Variants in FHIT observed in about 807,000 individuals in gnomAD.
FHIT encodes the protein fragile histidine triad diadenosine triphosphatase.
Under a neutral mutation model 17.9 loss-of-function variants are expected in FHIT, and 19 were observed. That is an observed-to-expected ratio of 1.06 (90% CI 0.74 to 1.56). FHIT has a LOEUF of 1.56. Ranked by LOEUF, FHIT falls within the 40% of genes most tolerant of loss-of-function variation. The probability of loss-of-function intolerance (pLI) is 0.00; values close to 1 mark genes in which losing one functional copy is unlikely to be tolerated. For missense variants in FHIT, 248 were observed against 189.2 expected (o/e 1.31, Z -1.82); for synonymous variants, 81 against 69.7 (o/e 1.16, Z -0.81).
intron 4 of FHIT, among the ~76,000 whole-genome samples, chr3:60,603,012 T>C (rs1294792631): frequency 6.6e-6 from 1 of 152,194 alleles, no homozygotes; most frequent in Non-Finnish European, 1.5e-5. Flanking sequence ...CAGTTTATGG[T>C]ATTTTGCTAC....
intron 4 of FHIT, among the ~76,000 whole-genome samples, chr3:60,739,262 C>T (rs1452569256): frequency 6.6e-6 from 1 of 152,186 alleles, no homozygotes; most frequent in African/African-American, 2.4e-5. Context: ...TCACACTGGC[C>T]CTCTGCCCTT....
At chr3:59,908,853 T>TTTTTTTTTTTTTTTTTTTTTTTGAGACGG (rs1271629999) in intron 8 of FHIT, among the ~76,000 whole-genome samples, 26 of 150,704 alleles carry the variant, frequency 1.7e-4, no homozygotes, top group African/African-American at 4.1e-4. Context: ...CATTTTTTAA[T>TTTTTTTTTTTTTTTTTTTTTTTGAGACGG]AGTCCAACTG....
chr3:59,784,408 C>T (rs1402466987), intron 8 of FHIT, among the ~76,000 whole-genome samples: 1 of 152,216 alleles, frequency 6.6e-6, no homozygotes, highest in African/African-American at 2.4e-5. Context: ...TGCTAGCTTC[C>T]CTGGCTTTCC....
chr3:60,491,671 C>T (rs938209496), intron 5 of FHIT, among the ~76,000 whole-genome samples: 3 of 152,094 alleles, frequency 2.0e-5, no homozygotes, highest in South Asian at 2.1e-4. Context: ...GGAGTGCTTT[C>T]GTTCTGTATG....
intron 4 of FHIT, among the ~76,000 whole-genome samples, chr3:60,772,902 C>A (rs1467936201): frequency 6.6e-6 from 1 of 152,150 alleles, no homozygotes; most frequent in Non-Finnish European, 1.5e-5. Context: ...AGCTTCAACT[C>A]CCTATGATTA....
intron 4 of FHIT, among the ~76,000 whole-genome samples, chr3:60,566,408 A>G (rs1440303343): frequency 6.6e-6 from 1 of 152,164 alleles, no homozygotes; most frequent in Non-Finnish European, 1.5e-5. Flanking sequence ...AAATTCAACA[A>G]CGCTTCATGC....
chr3:60,197,465 G>T (rs1435506654), intron 5 of FHIT, among the ~76,000 whole-genome samples: 1 of 152,116 alleles, frequency 6.6e-6, no homozygotes, highest in South Asian at 2.1e-4. Context: ...AACAGTACTG[G>T]ATTAAAACAA....
At chr3:60,875,300 A>G (rs1384948836) in intron 3 of FHIT, among the ~76,000 whole-genome samples, 1 of 152,254 alleles carries the variant, frequency 6.6e-6, no homozygotes, top group African/African-American at 2.4e-5. Flanking sequence ...CTAGAATTCT[A>G]CCCACCTCTT....
At chr3:61,112,078 G>T (rs182890131) in intron 2 of FHIT, among the ~76,000 whole-genome samples, 3 of 152,240 alleles carry the variant, frequency 2.0e-5, no homozygotes, top group Admixed American at 1.3e-4. Flanking sequence ...CTTGCTTCAA[G>T]TTAACAGCTA....
intron 5 of FHIT, among the ~76,000 whole-genome samples, chr3:60,427,723 AT>A (rs1430011508): frequency 1.3e-5 from 2 of 152,074 alleles, no homozygotes; most frequent in African/African-American, 4.8e-5. Flanking sequence ...TTATTGCTAG[AT>A]TTTTAGACTG....
At position 59,859,609 on chromosome 3, in the gene FHIT, C is replaced by T. The variant is rs529437397; in HGVS notation, c.348+62737G>A. ...AGGTGTGTGCCTGTAATCCCAGCTA[C>T]TCCAGAGGCTGAGGCAGGAGAATTG... On this transcript the variant is annotated intron_variant, in intron 8 of 9. Coordinates refer to ENST00000492590, the MANE Select transcript of FHIT (RefSeq NM_002012.4). 1.5e-4 allele frequency among the ~76,000 whole-genome samples: 23 copies of T among 152,274 alleles called. No homozygotes were observed. In the South Asian group the frequency reaches 4.1e-3, roughly 27 times the overall value.
chr3:60,164,923 G>C (rs954989471), intron 5 of FHIT, among the ~76,000 whole-genome samples: 5 of 152,020 alleles, frequency 3.3e-5, no homozygotes, highest in African/African-American at 1.2e-4. Context: ...AATTTTCCAG[G>C]ACAGATAACC....
chr3:60,682,792 A>G (rs1268872776), intron 4 of FHIT, among the ~76,000 whole-genome samples: 1 of 152,234 alleles, frequency 6.6e-6, no homozygotes, highest in South Asian at 2.1e-4. Flanking sequence ...TTGTAAGACT[A>G]TACATAGTGA....
chr3:60,933,627 T>C (rs1708063527), intron 3 of FHIT, among the ~76,000 whole-genome samples: 1 of 152,202 alleles, frequency 6.6e-6, no homozygotes, highest in Non-Finnish European at 1.5e-5. Flanking sequence ...TCTCCTTTTT[T>C]ACCATTACCA....
At chr3:60,829,039 G>A (rs1413577709) in intron 3 of FHIT, among the ~76,000 whole-genome samples, 2 of 152,120 alleles carry the variant, frequency 1.3e-5, no homozygotes, top group African/African-American at 4.8e-5. Flanking sequence ...TCAAAGGCAT[G>A]GAGTATACAG....
At chr3:60,623,565 G>A (rs746524190) in intron 4 of FHIT, among the ~76,000 whole-genome samples, 18 of 152,146 alleles carry the variant, frequency 1.2e-4, no homozygotes, top group African/African-American at 3.9e-4. Context: ...CACTCAACTC[G>A]CACATACCAA....
intron 5 of FHIT, among the ~76,000 whole-genome samples, chr3:60,454,568 T>C (rs1436567550): frequency 6.6e-6 from 1 of 151,934 alleles, no homozygotes; most frequent in Non-Finnish European, 1.5e-5. Context: ...GTATTTTTAG[T>C]AGAGATGGGG....
chr3:60,907,824 A>G (rs1372783409), intron 3 of FHIT, among the ~76,000 whole-genome samples: 1 of 152,214 alleles, frequency 6.6e-6, no homozygotes, highest in Non-Finnish European at 1.5e-5. Flanking sequence ...GTCAGGCCCT[A>G]TTTAGAGAGG....
At chr3:60,630,432 G>C (rs1388311287) in intron 4 of FHIT, among the ~76,000 whole-genome samples, 1 of 152,102 alleles carries the variant, frequency 6.6e-6, no homozygotes, top group African/African-American at 2.4e-5. Context: ...GTTTAGAGTT[G>C]CAAGAACCCA....
Sources: allele counts gnomAD v4.1 joint callset (sites outside exome capture counted in the v4.1 genomes callset), GRCh38; gene constraint gnomAD v4.1.1; transcripts MANE v1.5; gene names NCBI Gene and HGNC (gene_info 2026-07-23, HGNC 2026-07-21).